OPN5: variants seen among roughly 807,000 people sequenced by gnomAD.
OPN5 encodes the protein opsin-5.
Under a neutral mutation model 41.7 loss-of-function variants are expected in OPN5, and 18 were observed. That is an observed-to-expected ratio of 0.43 (90% CI 0.30 to 0.64). The LOEUF is 0.64. Among genes scored for constraint, OPN5 ranks in the 30% least tolerant of loss-of-function variants. OPN5 has a pLI of 0.13. For synonymous variants in OPN5, 178 were observed against 164.3 expected, an observed-to-expected ratio of 1.08 and a Z score of -0.64; for missense variants, 318 against 434.5, an observed-to-expected ratio of 0.73 and a Z score of 2.38.
At chr6:47,792,384 C>G (rs941627512) in intron 3 of OPN5, among the ~76,000 whole-genome samples, 1 of 152,204 alleles carries the variant, frequency 6.6e-6, no homozygotes. Context: ...GACTCACGCT[C>G]CCTGTGATTT....
intron 6 of OPN5, among the ~76,000 whole-genome samples, chr6:47,816,794 G>A (rs928527181): frequency 6.6e-6 from 1 of 152,042 alleles, no homozygotes; most frequent in African/African-American, 2.4e-5. Context: ...TGTGATTCAT[G>A]TATCACCTGT....
intron 4 of OPN5, among the ~76,000 whole-genome samples, chr6:47,807,023 G>T (rs981752328): frequency 2.0e-5 from 3 of 152,172 alleles, no homozygotes; most frequent in Non-Finnish European, 4.4e-5. Flanking sequence ...CAGGCATGGT[G>T]GTGTGCACCT....
intron 4 of OPN5, 40 bp downstream of exon 4, chr6:47,795,603 C>T (rs1350760193): frequency 7.2e-7 from 1 of 1,379,946 alleles, no homozygotes. Flanking sequence ...TTTCTGACTA[C>T]TTACAACTTC....
At chr6:47,820,912 C>T (rs533824168) in intron 6 of OPN5, among the ~76,000 whole-genome samples, 5 of 152,240 alleles carry the variant, frequency 3.3e-5, no homozygotes, top group African/African-American at 1.2e-4. Flanking sequence ...AGAACAGAAA[C>T]AGTCGATAAA....
chr6:47,803,665 T>A (rs1164825485), intron 4 of OPN5, among the ~76,000 whole-genome samples: 5 of 152,170 alleles, frequency 3.3e-5, no homozygotes, highest in Non-Finnish European at 7.3e-5. Flanking sequence ...TCACATCAAT[T>A]CTGTATCTTC....
chr6:47,799,256 T>C (rs898718416), intron 4 of OPN5, among the ~76,000 whole-genome samples: 1 of 151,902 alleles, frequency 6.6e-6, no homozygotes, highest in African/African-American at 2.4e-5. Context: ...ATACATGATA[T>C]ACATATACAT....
intron 2 of OPN5, chr6:47,787,173 G>A: frequency 1.0e-6 from 1 of 984,220 alleles, no homozygotes; most frequent in Non-Finnish European, 1.2e-6. Context: ...GGAAGCTTCT[G>A]GTTCAGTGGT....
intron 4 of OPN5, among the ~76,000 whole-genome samples, chr6:47,806,185 C>A (rs73736494): frequency 6.6e-6 from 1 of 151,724 alleles, no homozygotes. Flanking sequence ...AACAACCCCC[C>A]CAAAAAACAA....
At chr6:47,802,921 A>G (rs891569467) in intron 4 of OPN5, among the ~76,000 whole-genome samples, 2 of 152,130 alleles carry the variant, frequency 1.3e-5, no homozygotes, top group African/African-American at 2.4e-5. Flanking sequence ...GAAAATTGCA[A>G]TTGGGAAGTG....
intron 5 of OPN5, among the ~76,000 whole-genome samples, chr6:47,809,484 G>T (rs937291006): frequency 1.3e-5 from 2 of 152,202 alleles, no homozygotes; most frequent in Middle Eastern, 3.2e-3. Flanking sequence ...TATCATTATT[G>T]CTGTGGTATA....
At chr6:47,815,363 A>G (rs1051917960) in intron 6 of OPN5, among the ~76,000 whole-genome samples, 1 of 152,096 alleles carries the variant, frequency 6.6e-6, no homozygotes, top group African/African-American at 2.4e-5. Context: ...ATGCTTCTCC[A>G]TTAAGTTAGT....
intron 4 of OPN5, among the ~76,000 whole-genome samples, chr6:47,803,147 C>T (rs923559298): frequency 2.6e-5 from 4 of 152,114 alleles, no homozygotes; most frequent in African/African-American, 9.7e-5. Context: ...CAACTAGACA[C>T]ACTCAAAGCT....
chr6:47,804,867 A>C (rs1288855393), intron 4 of OPN5, among the ~76,000 whole-genome samples: 3 of 152,216 alleles, frequency 2.0e-5, no homozygotes, highest in African/African-American at 7.2e-5. Context: ...CTAATGTTTT[A>C]AGTCTTTCCT....
chr6:47,788,442 A>G (rs1160473543), intron 2 of OPN5, among the ~76,000 whole-genome samples: 1 of 152,228 alleles, frequency 6.6e-6, no homozygotes, highest in Non-Finnish European at 1.5e-5. Context: ...ATATGCTCTC[A>G]GCCAAGCAAG....
intron 5 of OPN5, among the ~76,000 whole-genome samples, chr6:47,809,959 TCAGACTG>T (rs1482573742): frequency 1.3e-5 from 2 of 152,196 alleles, no homozygotes; most frequent in Non-Finnish European, 2.9e-5. Context: ...TAATTTTGCC[TCAGACTG>T]CCTCTGTGTT....
At chr6:47,795,459 T>G (rs1322110587) in exon 4 of OPN5, 6 of 1,614,156 alleles carry the variant, frequency 3.7e-6, no homozygotes, top group Non-Finnish European at 5.1e-6. Context: ...GATCGTGTTC[T>G]CCTACGTAAA....
chr6:47,786,267 C>T (rs1159381506), intron 1 of OPN5, among the ~76,000 whole-genome samples: 1 of 152,182 alleles, frequency 6.6e-6, no homozygotes, highest in Non-Finnish European at 1.5e-5. Flanking sequence ...TCCTGAGCCT[C>T]GCGGGGAAGT....
chr6:47,793,191 G>T (rs991043707), intron 3 of OPN5, among the ~76,000 whole-genome samples: 2 of 151,988 alleles, frequency 1.3e-5, no homozygotes, highest in African/African-American at 4.8e-5. Flanking sequence ...TAGATAAGAA[G>T]GCAAAAAAGT....
intron 2 of OPN5, among the ~76,000 whole-genome samples, chr6:47,788,930 A>G (rs147339955): frequency 1.2e-4 from 19 of 152,160 alleles, no homozygotes; most frequent in African/African-American, 4.3e-4. Context: ...AAGCAAAGCA[A>G]AACAATCCGT....
Sources: gnomAD v4.1 joint callset for allele counts (sites outside exome capture counted in the v4.1 genomes callset) on GRCh38, gnomAD v4.1.1 for gene constraint, MANE v1.5 for transcripts, NCBI Gene and HGNC (gene_info 2026-07-23, HGNC 2026-07-21) for gene names.